SETBP1: variants seen among roughly 807,000 people sequenced by gnomAD.
SETBP1 encodes the protein SET-binding protein.
In SETBP1, 9 loss-of-function variants were observed where a neutral mutation model predicts 101.0. The ratio of observed to expected loss-of-function variants is 0.09; its 90% CI spans 0.05 to 0.16. The LOEUF is 0.16. Ranked by LOEUF, SETBP1 falls within the 10% of genes least tolerant of loss-of-function variation. The pLI is 1.00. For synonymous variants in SETBP1, 818 were observed against 788.5 expected (o/e 1.04, Z -0.63); for missense variants, 1,858 against 2,033.8 (o/e 0.91, Z 1.66).
At chr18:45,005,946 T>A (rs2072716584) in intron 4 of SETBP1, among the ~76,000 whole-genome samples, 1 of 93,330 alleles carries the variant, frequency 1.1e-5, no homozygotes. Flanking sequence ...GCACCCGGCC[T>A]TTTTTTTTTT....
chr18:44,697,122 G>C (rs1338968037), intron 1 of SETBP1: 1 of 152,266 alleles, frequency 6.6e-6, no homozygotes, highest in African/African-American at 2.4e-5. Context: ...ATGTGACAAG[G>C]CAAAACATTT....
At chr18:44,887,176 G>A (rs1410142234) in intron 3 of SETBP1, among the ~76,000 whole-genome samples, 1 of 152,110 alleles carries the variant, frequency 6.6e-6, no homozygotes, top group East Asian at 1.9e-4. Context: ...TTACTGGAAG[G>A]ATTAGAGATG....
intron 2 of SETBP1, among the ~76,000 whole-genome samples, chr18:44,847,719 G>A (rs888770877): frequency 1.1e-4 from 17 of 152,294 alleles, no homozygotes; most frequent in African/African-American, 3.9e-4. Flanking sequence ...GGTAGGAGAA[G>A]GGAGATACAC....
intron 2 of SETBP1, among the ~76,000 whole-genome samples, chr18:44,794,462 G>C (rs188434645): frequency 1.3e-5 from 2 of 152,184 alleles, no homozygotes; most frequent in African/African-American, 2.4e-5. Flanking sequence ...AGATATGGTC[G>C]TGTACAAAAC....
At chr18:45,009,627 C>T (rs1231258843) in intron 4 of SETBP1, among the ~76,000 whole-genome samples, 1 of 151,960 alleles carries the variant, frequency 6.6e-6, no homozygotes. Flanking sequence ...CATGATAACT[C>T]AAGTCTGCAT....
At chr18:44,813,202 G>C (rs945084601) in intron 2 of SETBP1, among the ~76,000 whole-genome samples, 3 of 152,144 alleles carry the variant, frequency 2.0e-5, no homozygotes, top group African/African-American at 7.2e-5. Flanking sequence ...TCCATTCTGT[G>C]GCCATGTCCT....
intron 2 of SETBP1, among the ~76,000 whole-genome samples, chr18:44,839,545 T>C (rs1330341556): frequency 6.6e-6 from 1 of 152,230 alleles, no homozygotes; most frequent in Admixed American, 6.5e-5. Context: ...TCTTCCATTC[T>C]CTTGGCAGTC....
At chr18:44,899,122 G>A (rs1009709736) in intron 3 of SETBP1, among the ~76,000 whole-genome samples, 3 of 152,104 alleles carry the variant, frequency 2.0e-5, no homozygotes, top group Non-Finnish European at 4.4e-5. Context: ...TGTTCCTTTT[G>A]TAGAGTTAAA....
intron 2 of SETBP1, among the ~76,000 whole-genome samples, chr18:44,740,396 G>T (rs2070069790): frequency 6.6e-6 from 1 of 152,202 alleles, no homozygotes; most frequent in African/African-American, 2.4e-5. Flanking sequence ...CTTAACACTT[G>T]TGATCAGTTA....
intron 4 of SETBP1, among the ~76,000 whole-genome samples, chr18:45,031,166 T>C (rs2073290513): frequency 1.3e-5 from 2 of 152,176 alleles, no homozygotes; most frequent in African/African-American, 2.4e-5. Context: ...ATATCTCTTT[T>C]TCACTAACTC....
At chr18:44,869,125 AGCTCTCATCCAG>A in intron 2 of SETBP1, 93 bp from the exon 3 acceptor site, 1 of 1,006,554 alleles carries the variant, frequency 9.9e-7, no homozygotes. Context: ...CCACTTCTGT[AGCTCTCATCCAG>A]GCTATGGTAA....
intron 4 of SETBP1, among the ~76,000 whole-genome samples, chr18:44,956,946 C>A (rs1462266280): frequency 6.6e-6 from 1 of 152,202 alleles, no homozygotes; most frequent in Non-Finnish European, 1.5e-5. Flanking sequence ...GTATTTTACG[C>A]CTCCTTTTTT....
In SETBP1 at chr18:44,885,095, G is replaced by A. The variant is rs1008431650; in HGVS notation, c.540+15812G>A. 4.3e-4 allele frequency among the ~76,000 whole-genome samples: 65 copies of A among 152,238 alleles called. 1 individual carries two copies. Among genetic ancestry groups the A allele is most frequent in the African/African-American group, 1.4e-3 (58 of 41,562 alleles). Reference sequence around the variant, plus strand: ...TCACTTTGAGCTAAAACCAGGCAAAGCTCACCACCTTAGATTTTCATGATA... The same window carrying A: ...TCACTTTGAGCTAAAACCAGGCAAAACTCACCACCTTAGATTTTCATGATA... On this transcript the variant is annotated intron_variant, in intron 3 of 5. Transcript: ENST00000649279.
chr18:45,038,772 G>C, intron 5 of SETBP1, 117 bp downstream of exon 5: 1 of 1,070,506 alleles, frequency 9.3e-7, no homozygotes, highest in Non-Finnish European at 1.4e-6. Flanking sequence ...TCCTCCCCTA[G>C]ACTCTGAACA....
At chr18:44,830,675 C>T (rs1029228873) in intron 2 of SETBP1, among the ~76,000 whole-genome samples, 1 of 152,192 alleles carries the variant, frequency 6.6e-6, no homozygotes, top group Non-Finnish European at 1.5e-5. Flanking sequence ...ACTAGGGATA[C>T]TGTTCTGCTT....
chr18:44,838,915 T>C (rs1379031457), intron 2 of SETBP1, among the ~76,000 whole-genome samples: 1 of 152,088 alleles, frequency 6.6e-6, no homozygotes, highest in Non-Finnish European at 1.5e-5. Context: ...CAGAGACAGA[T>C]GTGACAAAGA....
chr18:44,940,779 G>A (rs1463809597), intron 3 of SETBP1, among the ~76,000 whole-genome samples: 1 of 152,090 alleles, frequency 6.6e-6, no homozygotes, highest in African/African-American at 2.4e-5. Flanking sequence ...AGAATATTTT[G>A]TATACACCAA....
At chr18:44,772,035 A>G (rs1311399468) in intron 2 of SETBP1, among the ~76,000 whole-genome samples, 3 of 152,188 alleles carry the variant, frequency 2.0e-5, no homozygotes, top group Non-Finnish European at 4.4e-5. Context: ...CTGTTCATAC[A>G]GTACTGGTGT....
At chr18:44,694,850 A>G (rs1380762987) in intron 1 of SETBP1, among the ~76,000 whole-genome samples, 1 of 152,206 alleles carries the variant, frequency 6.6e-6, no homozygotes, top group Admixed American at 6.5e-5. Context: ...AGTTAATCCA[A>G]CAGCAACATT....
Sources: gnomAD v4.1 joint callset for allele counts (sites outside exome capture counted in the v4.1 genomes callset) on GRCh38, gnomAD v4.1.1 for gene constraint, MANE v1.5 for transcripts, NCBI Gene and HGNC (gene_info 2026-07-23, HGNC 2026-07-21) for gene names.